Variants in ARHGAP32 observed in about 807,000 individuals in gnomAD.
ARHGAP32 encodes rho GTPase-activating protein 32.
In ARHGAP32, 51 loss-of-function variants were observed where a neutral mutation model predicts 186.5. The ratio of observed to expected loss-of-function variants is 0.27; its 90% CI spans 0.22 to 0.35. The LOEUF is 0.35. Ranked by LOEUF, ARHGAP32 falls within the 10% of genes least tolerant of loss-of-function variation. The pLI is 1.00. For synonymous variants in ARHGAP32, 950 were observed against 964.3 expected, an observed-to-expected ratio of 0.99 and a Z score of 0.27; for missense variants, 2,186 against 2,623.5, an observed-to-expected ratio of 0.83 and a Z score of 3.64.
intron 2 of ARHGAP32, among the ~76,000 whole-genome samples, chr11:129,136,954 A>T (rs1388580708): frequency 6.6e-6 from 1 of 152,042 alleles, no homozygotes; most frequent in Non-Finnish European, 1.5e-5. Flanking sequence ...ATGCATCCAT[A>T]AGTATAAGGT....
Position 128,970,260 on chromosome 11 carries a change from A to T in ARHGAP32, c.4953T>A (p.Leu1651=), listed in dbSNP as rs905954203. ...QARSDYHVTQ[L]QPYFENGRVH... is the part of the protein sequence containing the mutation. ...CCCGGCCATTCTCAAAGTAAGGCTG[A>T]AGCTGAGTGACATGATAATCTGAGC... Residue 1651 remains leucine (L), a synonymous_variant, in exon 23 of 23, where the codon CTT becomes CTA. Coordinates refer to ENST00000682385, the MANE Select transcript of ARHGAP32 (RefSeq NM_001378024.1). The surrounding 1 kb of genome is among the most constrained non-coding windows in gnomAD (Gnocchi z 5.8). 6.2e-7 allele frequency: 1 copy of T among 1,614,212 alleles called. No homozygotes were observed. The highest frequency in any genetic ancestry group is 8.5e-7 in the Non-Finnish European group (1 of 1,180,040).
chr11:129,123,982 A>G lies in ARHGAP32; in HGVS notation c.318-53T>C. The G allele has an allele frequency of 8.2e-7, 1 of 1,212,190 alleles. No homozygotes were observed. Among genetic ancestry groups the G allele is most frequent in the Non-Finnish European group, 1.1e-6 (1 of 923,976 alleles). The allele number at this position is 1,212,190 out of a possible 1,614,324, so 75.1% of individuals were successfully genotyped here. On this transcript the variant is annotated intron_variant, in intron 3 of 22. Coordinates refer to ENST00000682385, the MANE Select transcript of ARHGAP32 (RefSeq NM_001378024.1). The surrounding 1 kb of genome is among the most constrained non-coding windows in gnomAD (Gnocchi z 4.6). ...TTGTCTTTCCTCTACTTACACATGA[A>G]GCATAACTATCTAACTCTACTAAGT...
chr11:129,109,803 G>C (rs1188016906), intron 5 of ARHGAP32, among the ~76,000 whole-genome samples: 2 of 151,578 alleles, frequency 1.3e-5, no homozygotes, highest in African/African-American at 4.8e-5. Flanking sequence ...TGTTTGTTTT[G>C]TTTTTGTTTT....
At chr11:129,074,745 G>T (rs1940983165) in intron 6 of ARHGAP32, among the ~76,000 whole-genome samples, 1 of 152,018 alleles carries the variant, frequency 6.6e-6, no homozygotes, top group Non-Finnish European at 1.5e-5. Flanking sequence ...GCTCGCCTTG[G>T]CCTCCCAAAG....
intron 5 of ARHGAP32, among the ~76,000 whole-genome samples, chr11:129,096,167 T>C (rs1332222229): frequency 6.6e-6 from 1 of 152,100 alleles, no homozygotes; most frequent in Non-Finnish European, 1.5e-5. Context: ...ATGTGACACA[T>C]GGTCATGAGA....
chr11:129,107,925 G>A (rs1942095341), intron 5 of ARHGAP32, among the ~76,000 whole-genome samples: 1 of 149,816 alleles, frequency 6.7e-6, no homozygotes, highest in African/African-American at 2.4e-5. Context: ...AGTTAAGTTG[G>A]CATAAATTCA....
intron 11 of ARHGAP32, among the ~76,000 whole-genome samples, chr11:129,017,219 G>A (rs528430244): frequency 6.6e-6 from 1 of 152,230 alleles, no homozygotes; most frequent in African/African-American, 2.4e-5. Context: ...ACTTTGGGAG[G>A]CCAAGGCGGG....
intron 1 of ARHGAP32, among the ~76,000 whole-genome samples, chr11:129,214,872 G>C (rs1944626144): frequency 6.6e-6 from 1 of 152,162 alleles, no homozygotes; most frequent in Non-Finnish European, 1.5e-5. Context: ...TTCGTAGAAG[G>C]ACAGCAGCCA....
intron 1 of ARHGAP32, among the ~76,000 whole-genome samples, chr11:129,171,013 T>A (rs976322071): frequency 6.6e-6 from 1 of 152,208 alleles, no homozygotes; most frequent in Non-Finnish European, 1.5e-5. Flanking sequence ...TTTGATGGGG[T>A]TATTTATCTT....
chr11:129,236,816 T>G (rs1160160694), intron 1 of ARHGAP32, among the ~76,000 whole-genome samples: 1 of 152,320 alleles, frequency 6.6e-6, no homozygotes, highest in East Asian at 1.9e-4. Flanking sequence ...TAGGCATCCC[T>G]GTCTTGTTCC....
At chr11:128,997,385 TA>T (rs964904798) in intron 12 of ARHGAP32, among the ~76,000 whole-genome samples, 2 of 152,244 alleles carry the variant, frequency 1.3e-5, no homozygotes, top group African/African-American at 4.8e-5. Context: ...AGCAAGACCT[TA>T]ATTTGAACTT....
chr11:129,235,417 T>C (rs952879344), intron 1 of ARHGAP32, among the ~76,000 whole-genome samples: 1 of 152,188 alleles, frequency 6.6e-6, no homozygotes, highest in East Asian at 1.9e-4. Flanking sequence ...TGTATAAATA[T>C]GTGTAACCTA....
At chr11:129,028,124 C>T (rs142683107) in intron 11 of ARHGAP32, among the ~76,000 whole-genome samples, 326 of 152,282 alleles carry the variant, frequency 2.1e-3, no homozygotes, top group Non-Finnish European at 3.6e-3. Context: ...ATAAAAGACG[C>T]AAATTACTAT....
intron 6 of ARHGAP32, among the ~76,000 whole-genome samples, chr11:129,068,291 A>T (rs1940762346): frequency 6.6e-6 from 1 of 152,012 alleles, no homozygotes; most frequent in Non-Finnish European, 1.5e-5. Flanking sequence ...CATGTATTCG[A>T]TTCATGAGCT....
intron 5 of ARHGAP32, among the ~76,000 whole-genome samples, chr11:129,120,593 T>TA (rs1942501652): frequency 6.6e-6 from 1 of 152,120 alleles, no homozygotes; most frequent in Admixed American, 6.5e-5. Context: ...GGATTAAAAA[T>TA]AACTATTTCA....
intron 17 of ARHGAP32, 93 bp downstream of exon 17, chr11:128,981,323 C>T (rs576111237): frequency 2.6e-5 from 35 of 1,362,962 alleles, no homozygotes; most frequent in Admixed American, 4.6e-5. Flanking sequence ...ACCAGTGACA[C>T]GTTTTTGTTG....
intron 11 of ARHGAP32, among the ~76,000 whole-genome samples, chr11:129,034,743 A>AGAG (rs903405135): frequency 6.7e-6 from 1 of 149,362 alleles, no homozygotes; most frequent in African/African-American, 2.5e-5. Context: ...AAAAAAAAAA[A>AGAG]AGAGAGAGAG....
upstream of ARHGAP32, among the ~76,000 whole-genome samples, chr11:129,193,650 AC>A (rs1944336449): frequency 1.5e-5 from 1 of 67,568 alleles, no homozygotes; most frequent in Admixed American, 2.3e-4. Flanking sequence ...GTTATATAAT[AC>A]ATATACAATA....
intron 11 of ARHGAP32, among the ~76,000 whole-genome samples, chr11:129,006,587 C>T (rs1937784407): frequency 6.6e-6 from 1 of 152,188 alleles, no homozygotes; most frequent in African/African-American, 2.4e-5. Context: ...TAAACAAAGT[C>T]TCTCTCTGTC....
Sources: gnomAD v4.1 joint callset for allele counts (sites outside exome capture counted in the v4.1 genomes callset) on GRCh38, gnomAD v4.1.1 for gene constraint, Gnocchi (gnomAD v3.1) non-coding constraint, MANE v1.5 for transcripts, NCBI Gene and HGNC (gene_info 2026-07-23, HGNC 2026-07-21) for gene names.